Variants in GNA14 observed in about 807,000 individuals in gnomAD.
GNA14 encodes the protein guanine nucleotide-binding protein subunit alpha-14.
GNA14 carries 50 observed loss-of-function variants against 42.0 expected under a neutral mutation model. That is an observed-to-expected ratio of 1.19 (90% confidence interval 0.95 to 1.51). GNA14 has a LOEUF of 1.51. Ranked by LOEUF, GNA14 falls within the 40% of genes most tolerant of loss-of-function variation. The pLI, the probability that GNA14 is intolerant of heterozygous loss-of-function variation, is 0.00. For missense variants in GNA14, 473 were observed against 446.2 expected (o/e 1.06, Z -0.54); for synonymous variants, 173 against 163.1 (o/e 1.06, Z -0.46).
intron 2 of GNA14, among the ~76,000 whole-genome samples, chr9:77,505,788 C>T (rs114902059): frequency 1.7e-3 from 259 of 152,246 alleles, no homozygotes; most frequent in African/African-American, 6.0e-3. Context: ...AAGTATGTGA[C>T]TCTATATAAA....
intron 1 of GNA14, among the ~76,000 whole-genome samples, chr9:77,625,837 A>G (rs1824005408): frequency 6.6e-6 from 1 of 152,216 alleles, no homozygotes; most frequent in Non-Finnish European, 1.5e-5. Context: ...CTAATGTGCA[A>G]AATAACCAGC....
At chr9:77,646,980 GGC>G (rs1824364885) in intron 1 of GNA14, among the ~76,000 whole-genome samples, 1 of 152,204 alleles carries the variant, frequency 6.6e-6, no homozygotes, top group African/African-American at 2.4e-5. Flanking sequence ...AGTCAAGCTG[GGC>G]AAGGGAGGTT....
At chr9:77,456,172 G>T (rs1835996120) in intron 2 of GNA14, 1 of 120,138 alleles carries the variant, frequency 8.3e-6, no homozygotes, top group African/African-American at 3.0e-5. Flanking sequence ...GGAAACAGAT[G>T]AGGCCTAGAG....
At chr9:77,449,651 GA>G (rs1482759296) in intron 2 of GNA14, among the ~76,000 whole-genome samples, 1 of 152,056 alleles carries the variant, frequency 6.6e-6, no homozygotes, top group African/African-American at 2.4e-5. Flanking sequence ...CCCAATCTTT[GA>G]AAAAGGCCTC....
Position 77,461,315 on chromosome 9 carries a change from G to A in GNA14, c.310-26793C>T, listed in dbSNP as rs377285986. Among the ~76,000 whole-genome samples the A allele has an allele frequency of 6.6e-5, 10 of 152,304 alleles. No homozygotes were observed. In the East Asian group the frequency reaches 1.2e-3, roughly 18 times the overall value. On this transcript the variant is annotated intron_variant, in intron 2 of 6. Transcript: ENST00000341700. ...CCCCAGATAATGACTCTGAAGCTGC[G>A]CCTTAGCAAGATCCCGGGTAGTTCA... is the stretch of plus-strand genomic sequence containing the variant.
chr9:77,440,239 C>T (rs1835709792), intron 2 of GNA14, among the ~76,000 whole-genome samples: 1 of 152,230 alleles, frequency 6.6e-6, no homozygotes, highest in South Asian at 2.1e-4. Flanking sequence ...AATTCCCAGG[C>T]TAACAGTAAA....
intron 2 of GNA14, among the ~76,000 whole-genome samples, chr9:77,483,437 G>T (rs978819610): frequency 6.6e-6 from 1 of 152,170 alleles, no homozygotes; most frequent in Admixed American, 6.5e-5. Flanking sequence ...TGGAAGTTTT[G>T]TGTCAGAGGA....
intron 2 of GNA14, among the ~76,000 whole-genome samples, chr9:77,437,550 AAG>A (rs751271779): frequency 1.4e-5 from 2 of 145,042 alleles, no homozygotes; most frequent in African/African-American, 5.5e-5. Context: ...AAGAAAGAGA[AAG>A]AGAGAGAGAA....
intron 2 of GNA14, among the ~76,000 whole-genome samples, chr9:77,525,729 G>A (rs746256032): frequency 5.3e-5 from 8 of 150,812 alleles, no homozygotes; most frequent in East Asian, 3.9e-4. Context: ...TAGTAGAGAC[G>A]GGGTTTCACC....
At chr9:77,580,474 C>G in intron 1 of GNA14, 1 of 372,524 alleles carries the variant, frequency 2.7e-6, no homozygotes, top group South Asian at 2.9e-5. Flanking sequence ...TTAGCCCACA[C>G]CAGATAGCTG....
chr9:77,476,526 T>A (rs753465069), intron 2 of GNA14, among the ~76,000 whole-genome samples: 1 of 152,206 alleles, frequency 6.6e-6, no homozygotes, highest in Non-Finnish European at 1.5e-5. Flanking sequence ...TGCTGTATAA[T>A]TGAAGATTAT....
rs570860405 is a variant in GNA14, at chr9:77,617,317, C to T, written c.124+30353G>A. ...AAATCCATTCTCCAACCTCTCTCAC[C>T]CATCTCAGTAAGTGACACTACCAAG... On this transcript the variant is annotated intron_variant, in intron 1 of 6. Transcript: ENST00000341700. Among the ~76,000 whole-genome samples, 9 of 152,248 alleles carry T rather than the reference C, an allele frequency of 5.9e-5. No homozygotes were observed. In the South Asian group the frequency reaches 1.7e-3, roughly 28 times the overall value.
chr9:77,454,684 A>C (rs186255943), intron 2 of GNA14, among the ~76,000 whole-genome samples: 44 of 150,358 alleles, frequency 2.9e-4, no homozygotes, highest in African/African-American at 1.0e-3. Flanking sequence ...ACCTCACTAT[A>C]GCCTTTCCAT....
intron 1 of GNA14, among the ~76,000 whole-genome samples, chr9:77,555,569 G>A (rs1199032929): frequency 6.6e-6 from 1 of 152,090 alleles, no homozygotes; most frequent in Non-Finnish European, 1.5e-5. Context: ...AAGCATATAT[G>A]GTAAGATTAC....
At chr9:77,438,392 C>T (rs774155072) in intron 2 of GNA14, among the ~76,000 whole-genome samples, 7 of 152,102 alleles carry the variant, frequency 4.6e-5, no homozygotes, top group East Asian at 3.9e-4. Flanking sequence ...CTCAGCCTCC[C>T]GAGTAGCTGG....
intron 1 of GNA14, among the ~76,000 whole-genome samples, chr9:77,558,017 G>T (rs534994414): frequency 2.0e-5 from 3 of 152,262 alleles, no homozygotes; most frequent in Non-Finnish European, 1.5e-5. Flanking sequence ...TTACAAATGG[G>T]ACCCTGTCCT....
chr9:77,477,126 G>A (rs375079856), intron 2 of GNA14, among the ~76,000 whole-genome samples: 13 of 152,300 alleles, frequency 8.5e-5, no homozygotes, highest in Middle Eastern at 6.8e-3. Context: ...GGAGGCTGAG[G>A]CAGGTGGATT....
At chr9:77,631,255 G>A (rs1824095358) in intron 1 of GNA14, among the ~76,000 whole-genome samples, 1 of 151,998 alleles carries the variant, frequency 6.6e-6, no homozygotes, top group Admixed American at 6.6e-5. Context: ...AGGGAAGAAA[G>A]CCTCCTTTCC....
At chr9:77,480,399 G>A (rs1474513543) in intron 2 of GNA14, among the ~76,000 whole-genome samples, 5 of 152,202 alleles carry the variant, frequency 3.3e-5, no homozygotes, top group Non-Finnish European at 7.3e-5. Context: ...CAGGGATGAA[G>A]CCCACTTGAT....
Sources: allele counts gnomAD v4.1 joint callset (sites outside exome capture counted in the v4.1 genomes callset), GRCh38; gene constraint gnomAD v4.1.1; transcripts MANE v1.5; gene names NCBI Gene and HGNC (gene_info 2026-07-23, HGNC 2026-07-21).